Variants in CTNNA2 observed in about 807,000 individuals in gnomAD.
The protein encoded by CTNNA2 is catenin alpha-2.
Under a neutral mutation model 101.0 loss-of-function variants are expected in CTNNA2, and 42 were observed. The ratio of observed to expected loss-of-function variants is 0.42; its 90% confidence interval spans 0.32 to 0.54. CTNNA2 has a LOEUF of 0.54. Ranked by LOEUF, CTNNA2 falls within the 20% of genes least tolerant of loss-of-function variation. The probability of loss-of-function intolerance (pLI) is 0.14; values close to 1 mark genes in which losing one functional copy is unlikely to be tolerated. For missense variants in CTNNA2, 871 were observed against 1,223.1 expected, an observed-to-expected ratio of 0.71 and a Z score of 4.29; for synonymous variants, 450 against 456.4, an observed-to-expected ratio of 0.99 and a Z score of 0.18.
chr2:79,982,225 TA>T lies in CTNNA2; in HGVS notation c.1056+72429del, dbSNP rs1354626703. 9.6e-5 allele frequency among the ~76,000 whole-genome samples: 9 copies of T among 93,380 alleles called. 1 individual carries two copies. Among genetic ancestry groups the T allele is most frequent in the African/African-American group, 3.4e-4 (7 of 20,894 alleles). The allele number at this position is 93,380 out of a possible 152,430, so 61.3% of individuals were successfully genotyped here. A position where few individuals can be genotyped will look rare whatever the true frequency, so the allele number is the denominator to read the frequency against. On this transcript the variant is annotated intron_variant, in intron 7 of 18. Coordinates refer to ENST00000402739, the MANE Select transcript of CTNNA2 (RefSeq NM_001282597.3). ...ATATATATATATATATATATATATATATATATATATATATATGTATGTATAT... is the reference window on the plus strand; with the variant it reads ...ATATATATATATATATATATATATATTATATATATATATATGTATGTATAT...
intron 3 of CTNNA2, among the ~76,000 whole-genome samples, chr2:79,353,686 C>T (rs571809464): frequency 8.5e-5 from 13 of 152,164 alleles, no homozygotes; most frequent in African/African-American, 3.1e-4. Flanking sequence ...AATATTGATA[C>T]GTAAAATTTT....
At chr2:79,684,514 T>C in intron 2 of CTNNA2, among the ~76,000 whole-genome samples, 1 of 152,212 alleles carries the variant, frequency 6.6e-6, no homozygotes, top group East Asian at 1.9e-4. Context: ...TCAGACATAA[T>C]GTATGTAAAG....
At chr2:79,357,656 A>G (rs1005538295) in intron 3 of CTNNA2, among the ~76,000 whole-genome samples, 3 of 152,178 alleles carry the variant, frequency 2.0e-5, no homozygotes, top group Admixed American at 2.0e-4. Flanking sequence ...AGTAAAAATC[A>G]AGAAAATCAT....
chr2:79,645,546 G>T (rs1037664692), intron 1 of CTNNA2, among the ~76,000 whole-genome samples: 3 of 152,156 alleles, frequency 2.0e-5, no homozygotes, highest in African/African-American at 7.2e-5. Context: ...TTCTTGAAAT[G>T]CTGAAGAAAT....
chr2:80,255,814 T>C (rs1672095933), intron 7 of CTNNA2, among the ~76,000 whole-genome samples: 3 of 152,186 alleles, frequency 2.0e-5, no homozygotes, highest in South Asian at 4.1e-4. Context: ...TTTACATTTA[T>C]GAACTCTGTT....
chr2:80,597,660 A>C (rs1697104002), intron 15 of CTNNA2, among the ~76,000 whole-genome samples: 1 of 152,182 alleles, frequency 6.6e-6, no homozygotes, highest in Admixed American at 6.5e-5. Flanking sequence ...AAGTGGGCAA[A>C]GGATATGAAC....
rs562270535 is a variant in CTNNA2 at position 80,570,678 on chromosome 2, A to T, written c.1742-3485A>T. 6.6e-5 allele frequency among the ~76,000 whole-genome samples: 10 copies of T among 152,218 alleles called. No individual in the cohort carries two copies. The East Asian group carries it at 1.5e-3, about 24-fold the overall frequency. ...CAATTGCACTCTGAGCCTCTATTTT[A>T]AAAATAAAGAACTTGTACCCTCTCC... On this transcript the variant is annotated intron_variant, in intron 12 of 18. Transcript: ENST00000402739.
rs539379436 is a variant in CTNNA2 at position 80,498,468 on chromosome 2, C to T, written c.1291-46514C>T. Among the ~76,000 whole-genome samples, 5 of 152,292 alleles carry T rather than the reference C, an allele frequency of 3.3e-5. No homozygotes were observed. In the South Asian group the frequency reaches 1.0e-3, roughly 32 times the overall value. On this transcript the variant is annotated intron_variant, in intron 9 of 18. Coordinates refer to ENST00000402739, the MANE Select transcript of CTNNA2 (RefSeq NM_001282597.3). ...AAAGAATACCTTGATCTTGAATGTT[C>T]CTTTATTTCCATGCTGCCCCCACCT...
At chr2:79,560,898 G>A (rs1019657711) in intron 1 of CTNNA2, among the ~76,000 whole-genome samples, 5 of 151,748 alleles carry the variant, frequency 3.3e-5, no homozygotes, top group African/African-American at 1.2e-4. Context: ...GTTCTAAATT[G>A]TATCATTTTA....
chr2:80,512,007 G>A (rs1158625335), intron 9 of CTNNA2, among the ~76,000 whole-genome samples: 9 of 151,740 alleles, frequency 5.9e-5, no homozygotes, highest in Admixed American at 4.6e-4. Flanking sequence ...AAAATTAGCT[G>A]GGCATAGTGG....
chr2:79,718,051 T>A (rs1686223765), intron 2 of CTNNA2, among the ~76,000 whole-genome samples: 1 of 152,116 alleles, frequency 6.6e-6, no homozygotes, highest in South Asian at 2.1e-4. Context: ...CTGGATAAAC[T>A]CTTGGGTCAG....
intron 2 of CTNNA2, among the ~76,000 whole-genome samples, chr2:79,733,322 A>G (rs2104931520): frequency 6.6e-6 from 1 of 152,200 alleles, no homozygotes; most frequent in South Asian, 2.1e-4. Flanking sequence ...CTCTGATGAG[A>G]CTATATGTTT....
chr2:79,770,207 A>G (rs961389921), intron 3 of CTNNA2, among the ~76,000 whole-genome samples: 3 of 152,166 alleles, frequency 2.0e-5, no homozygotes, highest in Non-Finnish European at 4.4e-5. Context: ...ATCTAGCCTA[A>G]AAGGTCAATA....
intron 7 of CTNNA2, among the ~76,000 whole-genome samples, chr2:79,919,326 G>A (rs7572282): frequency 0.069 from 10,561 of 152,262 alleles, 408 homozygotes; most frequent in Middle Eastern, 0.085. Context: ...CCAAATGAAA[G>A]AGGAGATGGA....
intron 7 of CTNNA2, among the ~76,000 whole-genome samples, chr2:80,190,220 G>T (rs1334699368): frequency 7.9e-5 from 12 of 151,990 alleles, no homozygotes; most frequent in Non-Finnish European, 1.8e-4. Context: ...AATGTGACAT[G>T]GGGTTTTACT....
At chr2:79,591,081 G>T (rs112666336) in intron 1 of CTNNA2, among the ~76,000 whole-genome samples, 3 of 152,120 alleles carry the variant, frequency 2.0e-5, no homozygotes, top group East Asian at 3.9e-4. Flanking sequence ...AAATTCAAAT[G>T]TCCAGGCTAA....
intron 2 of CTNNA2, among the ~76,000 whole-genome samples, chr2:79,246,817 T>C (rs1476231748): frequency 6.6e-6 from 1 of 152,258 alleles, no homozygotes; most frequent in Non-Finnish European, 1.5e-5. Context: ...ATGATTTCTT[T>C]GGCAACATAC....
intron 3 of CTNNA2, among the ~76,000 whole-genome samples, chr2:79,821,988 C>A (rs1678049483): frequency 6.6e-6 from 1 of 152,120 alleles, no homozygotes; most frequent in African/African-American, 2.4e-5. Flanking sequence ...ACTTTTTTCA[C>A]TAATCATTTC....
chr2:79,848,048 T>G (rs1325545669), intron 3 of CTNNA2, among the ~76,000 whole-genome samples: 1 of 152,140 alleles, frequency 6.6e-6, no homozygotes, highest in East Asian at 1.9e-4. Context: ...ATAGAAACAT[T>G]TATTGACTTA....
Sources: allele counts gnomAD v4.1 joint callset (sites outside exome capture counted in the v4.1 genomes callset), GRCh38; gene constraint gnomAD v4.1.1; transcripts MANE v1.5; gene names NCBI Gene and HGNC (gene_info 2026-07-23, HGNC 2026-07-21).